Variants in DZIP3 observed in about 807,000 individuals in gnomAD.
The protein encoded by DZIP3 is DAZ interacting zinc finger protein 3.
In DZIP3, 118 loss-of-function variants were observed where a neutral mutation model predicts 162.0. That is an observed-to-expected ratio of 0.73 (90% CI 0.63 to 0.85). DZIP3 has a LOEUF of 0.85. Ranked by LOEUF, DZIP3 falls within the 40% of genes least tolerant of loss-of-function variation. The pLI is 0.00. For synonymous variants in DZIP3, 438 were observed against 458.6 expected (o/e 0.96, Z 0.57); for missense variants, 1,331 against 1,407.0 (o/e 0.95, Z 0.86).
intron 12 of DZIP3, among the ~76,000 whole-genome samples, chr3:108,639,714 T>C (rs1385818307): frequency 2.0e-5 from 3 of 152,060 alleles, no homozygotes; most frequent in Non-Finnish European, 2.9e-5. Context: ...TCTATCAATT[T>C]TGTTGATCTT....
intron 15 of DZIP3, among the ~76,000 whole-genome samples, chr3:108,647,040 C>CA (rs750521531): frequency 8.6e-5 from 13 of 150,344 alleles, no homozygotes; most frequent in African/African-American, 1.7e-4. Flanking sequence ...GATTCAGTCT[C>CA]AAAAAAAAAG....
intron 22 of DZIP3, 117 bp downstream of exon 22, chr3:108,669,866 A>G: frequency 1.3e-6 from 1 of 785,774 alleles, no homozygotes; most frequent in Admixed American, 2.3e-5. Context: ...TTTGAGGCTG[A>G]TATTGAACAG....
chr3:108,602,297 C>G lies in DZIP3; in HGVS notation c.-72-3038C>G, dbSNP rs540055454. ...CAACTAAAAAAAATTGTTAAAATTT[C>G]AGTAAGTAAGAGGGAAAGTAGGAAC... On this transcript the variant is annotated intron_variant, in intron 1 of 32. Coordinates refer to ENST00000361582, the MANE Select transcript of DZIP3 (RefSeq NM_014648.4). Among the ~76,000 whole-genome samples, 3 of 152,144 alleles carry G rather than the reference C, an allele frequency of 2.0e-5. No homozygotes were observed. In the South Asian group the frequency reaches 6.2e-4, roughly 32 times the overall value.
At chr3:108,623,244 T>G (rs1227421045) in intron 5 of DZIP3, among the ~76,000 whole-genome samples, 3 of 152,010 alleles carry the variant, frequency 2.0e-5, no homozygotes, top group Non-Finnish European at 4.4e-5. Context: ...GAAAGGCATC[T>G]CTCACCATAG....
chr3:108,591,792 T>C (rs1939433242), intron 1 of DZIP3, among the ~76,000 whole-genome samples: 1 of 151,902 alleles, frequency 6.6e-6, no homozygotes, highest in Non-Finnish European at 1.5e-5. Context: ...AACCCAGGAG[T>C]TGGAGCCAGC....
rs117534731 is a variant in DZIP3, at chr3:108,640,952, T to C, written c.1065-1486T>C. Among the ~76,000 whole-genome samples, 274 of 152,226 alleles carry C rather than the reference T, an allele frequency of 1.8e-3. 4 individuals are homozygous for C. In the East Asian group the frequency reaches 0.039, roughly 22 times the overall value. ...TGACAATCTCTGCTTTTAAATTGTT[T>C]TTTTTTTATTCCATTTGTATTTTCT... On this transcript the variant is annotated intron_variant, in intron 12 of 32. Transcript: ENST00000361582.
intron 16 of DZIP3, 89 bp downstream of exon 16, chr3:108,648,201 AT>A: frequency 7.9e-7 from 1 of 1,261,066 alleles, no homozygotes; most frequent in Non-Finnish European, 1.1e-6. Context: ...ATCCCAGATA[AT>A]TTTAGCTTAT....
chr3:108,649,183 T>C (rs931275104), intron 17 of DZIP3, among the ~76,000 whole-genome samples: 1 of 151,898 alleles, frequency 6.6e-6, no homozygotes, highest in Admixed American at 6.6e-5. Context: ...TTGTAATTTA[T>C]ATATTTGCAT....
chr3:108,591,810 A>G (rs1304766468), intron 1 of DZIP3, among the ~76,000 whole-genome samples: 1 of 152,130 alleles, frequency 6.6e-6, no homozygotes, highest in Non-Finnish European at 1.5e-5. Context: ...AGCCTAGGCA[A>G]CATAGTGAAA....
At chr3:108,596,551 A>G (rs1216333497) in intron 1 of DZIP3, among the ~76,000 whole-genome samples, 5 of 152,186 alleles carry the variant, frequency 3.3e-5, no homozygotes, top group Non-Finnish European at 7.4e-5. Flanking sequence ...TCTTGACGCC[A>G]TGGTTGCCTA....
intron 6 of DZIP3, among the ~76,000 whole-genome samples, chr3:108,625,114 A>G (rs1028397494): frequency 5.3e-5 from 8 of 152,188 alleles, no homozygotes; most frequent in African/African-American, 1.9e-4. Flanking sequence ...GTGATGTACT[A>G]GGGAATATTT....
intron 25 of DZIP3, 41 bp from the exon 26 acceptor site, chr3:108,677,456 G>T: frequency 6.5e-7 from 1 of 1,538,478 alleles, no homozygotes; most frequent in East Asian, 2.3e-5. Context: ...TCTCTTTAAA[G>T]TTGGTTGTTC....
intron 17 of DZIP3, among the ~76,000 whole-genome samples, chr3:108,649,352 TTTTC>T (rs1942766669): frequency 6.6e-6 from 1 of 151,860 alleles, no homozygotes; most frequent in Admixed American, 6.6e-5. Flanking sequence ...ATCTTGATTT[TTTTC>T]TTTATGTCTG....
intron 32 of DZIP3, among the ~76,000 whole-genome samples, chr3:108,692,538 C>T (rs777820217): frequency 6.6e-6 from 1 of 152,192 alleles, no homozygotes; most frequent in Non-Finnish European, 1.5e-5. Flanking sequence ...AGGGCACATG[C>T]GTCACTGCTT....
At chr3:108,624,578 A>G in intron 6 of DZIP3, 54 bp downstream of exon 6, 1 of 974,862 alleles carries the variant, frequency 1.0e-6, no homozygotes, top group South Asian at 1.8e-5. Context: ...TGGAATAATC[A>G]GGCCAAAGAT....
chr3:108,673,434 T>C (rs1207395006), intron 23 of DZIP3, among the ~76,000 whole-genome samples: 2 of 151,848 alleles, frequency 1.3e-5, no homozygotes, highest in African/African-American at 4.8e-5. Flanking sequence ...TTTTAATCAG[T>C]AAATTTCTTT....
At chr3:108,622,877 T>TCG (rs1559734615) in intron 5 of DZIP3, among the ~76,000 whole-genome samples, 2 of 133,568 alleles carry the variant, frequency 1.5e-5, no homozygotes, top group Non-Finnish European at 3.2e-5. Context: ...TCTCTCTCTC[T>TCG]CTCTGTGTGT....
At chr3:108,618,889 C>G (rs1333884234) in intron 5 of DZIP3, among the ~76,000 whole-genome samples, 2 of 151,374 alleles carry the variant, frequency 1.3e-5, no homozygotes, top group African/African-American at 4.9e-5. Flanking sequence ...GGTGAAACCC[C>G]GTGTGTACCA....
At chr3:108,594,817 C>A (rs977591123) in intron 1 of DZIP3, among the ~76,000 whole-genome samples, 3 of 152,126 alleles carry the variant, frequency 2.0e-5, no homozygotes, top group Admixed American at 6.6e-5. Flanking sequence ...AAATAAAAAT[C>A]ATTTATTTTA....
Sources: allele counts gnomAD v4.1 joint callset (sites outside exome capture counted in the v4.1 genomes callset), GRCh38; gene constraint gnomAD v4.1.1; transcripts MANE v1.5; gene names NCBI Gene and HGNC (gene_info 2026-07-23, HGNC 2026-07-21).